Variants in TMEM232 observed in about 807,000 individuals in gnomAD.
TMEM232 encodes the protein transmembrane protein 232.
In TMEM232, 80 loss-of-function variants were observed where a neutral mutation model predicts 78.8. The observed-to-expected ratio is 1.01, with a 90% CI of 0.85 to 1.22. TMEM232 has a LOEUF of 1.22. Among genes scored for constraint, TMEM232 ranks in the 50% most tolerant of loss-of-function variants. TMEM232 has a pLI of 0.00. For missense variants in TMEM232, 881 were observed against 742.2 expected (o/e 1.19, Z -2.17); for synonymous variants, 297 against 254.3 (o/e 1.17, Z -1.60).
chr5:110,702,405 T>G (rs572173187), intron 1 of TMEM232, among the ~76,000 whole-genome samples: 17 of 152,122 alleles, frequency 1.1e-4, no homozygotes, highest in African/African-American at 3.9e-4. Context: ...TTAAGGCCAC[T>G]CAGGAAATTG....
At chr5:110,642,233 C>T (rs1277459931) in intron 3 of TMEM232, 27 bp downstream of exon 3, 13 of 1,413,624 alleles carry the variant, frequency 9.2e-6, no homozygotes, top group Non-Finnish European at 1.1e-5. Flanking sequence ...AGTTAACATG[C>T]TCAACAATCA....
At chr5:110,449,798 G>A (rs1484362775) in intron 12 of TMEM232, among the ~76,000 whole-genome samples, 2 of 152,012 alleles carry the variant, frequency 1.3e-5, no homozygotes, top group African/African-American at 4.8e-5. Context: ...GAATCTAATG[G>A]CTTCTTCTAA....
rs1781592974 is a variant in TMEM232, at chr5:110,606,761, T to C, written c.903-474A>G. Among the ~76,000 whole-genome samples, 4 of 151,970 alleles carry C rather than the reference T, an allele frequency of 2.6e-5. No homozygotes were observed. In the South Asian group the frequency reaches 8.3e-4, roughly 31 times the overall value. On this transcript the variant is annotated intron_variant, in intron 8 of 13. Coordinates refer to ENST00000455884, the MANE Select transcript of TMEM232 (RefSeq NM_001039763.4). ...CTCTTTGATTTTGGAAAAAGTAAAATTTCTCAAAATAAAATTTATATTTCA... is the reference window on the plus strand; with the variant it reads ...CTCTTTGATTTTGGAAAAAGTAAAACTTCTCAAAATAAAATTTATATTTCA...
At chr5:110,738,910 C>A, upstream of TMEM232, 1 of 1,323,912 alleles carries the variant, frequency 7.6e-7, no homozygotes, top group Non-Finnish European at 1.0e-6. Context: ...GTTACCGCCG[C>A]GTCTCCCTAG....
intron 8 of TMEM232, 44 bp downstream of exon 8, chr5:110,618,385 A>G: frequency 6.5e-7 from 1 of 1,543,060 alleles, no homozygotes; most frequent in South Asian, 1.2e-5. Flanking sequence ...TTAAGCACAA[A>G]GATTTCTCCA....
At chr5:110,575,446 C>T (rs1039337497) in intron 10 of TMEM232, among the ~76,000 whole-genome samples, 1 of 151,932 alleles carries the variant, frequency 6.6e-6, no homozygotes, top group African/African-American at 2.4e-5. Flanking sequence ...GTAGAATTTG[C>T]TTAACTTGAA....
downstream of TMEM232, among the ~76,000 whole-genome samples, chr5:110,415,383 T>A (rs1756161052): frequency 1.3e-5 from 2 of 151,912 alleles, no homozygotes; most frequent in Admixed American, 6.6e-5. Flanking sequence ...AGAGATGGGG[T>A]TTCACTGTGT....
Position 110,420,467 on chromosome 5 carries a change from C to T in TMEM232, c.*113G>A. ...AAAACAAATTCTTTCTAAACAATACCTCCATTTAATGACAAGAAAGTTCTC... is the reference window on the plus strand; with the variant it reads ...AAAACAAATTCTTTCTAAACAATACTTCCATTTAATGACAAGAAAGTTCTC... On this transcript the variant is annotated 3_prime_UTR_variant, in exon 14 of 14. Coordinates refer to ENST00000455884, the MANE Select transcript of TMEM232 (RefSeq NM_001039763.4). The T allele has an allele frequency of 4.7e-6, 3 of 637,692 alleles. No individual in the cohort carries two copies. Among genetic ancestry groups the T allele is most frequent in the Non-Finnish European group, 7.2e-6 (3 of 417,244 alleles). 39.5% of individuals were successfully genotyped at this position (637,692 alleles called of 1,614,324 possible).
chr5:110,726,110 A>T (rs1370585151), intron 1 of TMEM232, among the ~76,000 whole-genome samples: 1 of 136,040 alleles, frequency 7.4e-6, no homozygotes, highest in Non-Finnish European at 1.6e-5. Flanking sequence ...TCTCTCTTTC[A>T]CACACACACA....
intron 1 of TMEM232, among the ~76,000 whole-genome samples, chr5:110,676,798 G>T (rs1339356431): frequency 6.7e-6 from 1 of 148,704 alleles, no homozygotes; most frequent in Non-Finnish European, 1.5e-5. Flanking sequence ...TCACTCTGTT[G>T]CCCAGGCTGG....
chr5:110,531,786 T>C (rs1384040612), intron 11 of TMEM232, among the ~76,000 whole-genome samples: 2 of 152,192 alleles, frequency 1.3e-5, no homozygotes, highest in Non-Finnish European at 2.9e-5. Flanking sequence ...GCCCAGTTCA[T>C]GGCTCGTTTG....
At chr5:110,472,649 C>T (rs193035469) in intron 12 of TMEM232, among the ~76,000 whole-genome samples, 1 of 151,820 alleles carries the variant, frequency 6.6e-6, no homozygotes, top group Non-Finnish European at 1.5e-5. Context: ...CAGCTGAAGG[C>T]ATCTCACTAC....
intron 2 of TMEM232, among the ~76,000 whole-genome samples, chr5:110,646,798 C>T (rs1157657752): frequency 6.6e-6 from 1 of 151,676 alleles, no homozygotes; most frequent in African/African-American, 2.4e-5. Context: ...TGAGAAGGTG[C>T]TAATATCCAA....
At position 110,662,573 on chromosome 5, in the gene TMEM232, T is replaced by G. The variant is rs7717924; in HGVS notation, c.125+4655A>C. Among the ~76,000 whole-genome samples the G allele has an allele frequency of 2.4e-3, 368 of 152,228 alleles. 1 individual carries two copies. The highest frequency in any genetic ancestry group is 8.0e-3 in the African/African-American group (331 of 41,566). On this transcript the variant is annotated intron_variant, in intron 2 of 13. Coordinates refer to ENST00000455884, the MANE Select transcript of TMEM232 (RefSeq NM_001039763.4). The stretch of plus-strand genomic sequence containing the variant: ...ACAAGTTTGGAAAAATCTATCATCT[T>G]GACTATTACATGCTATTACCAAACC...
At chr5:110,657,751 T>C (rs944970159) in intron 2 of TMEM232, among the ~76,000 whole-genome samples, 1 of 152,138 alleles carries the variant, frequency 6.6e-6, no homozygotes, top group Non-Finnish European at 1.5e-5. Flanking sequence ...AGATTTTGAA[T>C]GTTGTCACCA....
intron 1 of TMEM232, among the ~76,000 whole-genome samples, chr5:110,697,739 C>T (rs74415158): frequency 0.61 from 92,161 of 152,048 alleles, 32,371 homozygotes; most frequent in Non-Finnish European, 0.79. Flanking sequence ...AAATTCAAAC[C>T]GCAATGAGAT....
chr5:110,537,939 G>A (rs976756311), intron 11 of TMEM232, among the ~76,000 whole-genome samples: 2 of 152,198 alleles, frequency 1.3e-5, no homozygotes, highest in Admixed American at 6.5e-5. Flanking sequence ...CTTTGAGGCC[G>A]CCCATGGGGA....
chr5:110,429,265 G>A (rs867786846), intron 12 of TMEM232, among the ~76,000 whole-genome samples: 2 of 151,812 alleles, frequency 1.3e-5, no homozygotes, highest in Middle Eastern at 3.4e-3. Flanking sequence ...AGATCTACCT[G>A]GATGGATTAT....
intron 1 of TMEM232, among the ~76,000 whole-genome samples, chr5:110,719,203 AT>A (rs1397251268): frequency 6.6e-6 from 1 of 151,814 alleles, no homozygotes; most frequent in African/African-American, 2.4e-5. Context: ...ATATGTATAT[AT>A]ATGTGTATAT....
Sources: allele counts gnomAD v4.1 joint callset (sites outside exome capture counted in the v4.1 genomes callset), GRCh38; gene constraint gnomAD v4.1.1; transcripts MANE v1.5; gene names NCBI Gene and HGNC (gene_info 2026-07-23, HGNC 2026-07-21).